The following CCDC73 variants were observed in gnomAD, a reference collection of about 807,000 sequenced individuals.
The protein encoded by CCDC73 is coiled-coil domain containing 73.
A neutral mutation model predicts 116.5 loss-of-function variants in CCDC73; 95 were observed. That is an observed-to-expected ratio of 0.82 (90% CI 0.69 to 0.97). The LOEUF (loss-of-function observed/expected upper bound fraction) is 0.97, where lower values mean the gene tolerates loss of function less well. Ranked by LOEUF, CCDC73 falls within the 50% of genes least tolerant of loss-of-function variation. The pLI, the probability that CCDC73 is intolerant of heterozygous loss-of-function variation, is 0.00. For synonymous variants in CCDC73, 398 were observed against 401.3 expected (o/e 0.99, Z 0.10); for missense variants, 1,066 against 1,206.8 (o/e 0.88, Z 1.73).
In CCDC73 at chr11:32,673,286, T is replaced by C. The variant is rs564875525; in HGVS notation, c.645+2279A>G. Among the ~76,000 whole-genome samples the C allele has an allele frequency of 1.1e-4, 17 of 152,214 alleles. 4 individuals are homozygous for C. The highest frequency in any genetic ancestry group is 4.1e-4 in the African/African-American group (17 of 41,534). On this transcript the variant is annotated intron_variant, in intron 9 of 17. Coordinates refer to ENST00000335185, the MANE Select transcript of CCDC73 (RefSeq NM_001008391.4). ...ACACCAAATGCTAGTGAGGATGTGA[T>C]AGTGGGAGAGGTTGTGCATGTGTGA... is the stretch of plus-strand genomic sequence containing the variant.
intron 8 of CCDC73, 57 bp downstream of exon 8, chr11:32,675,829 T>C (rs1345883513): frequency 8.6e-6 from 12 of 1,403,306 alleles, no homozygotes; most frequent in Admixed American, 6.5e-5. Flanking sequence ...TCATAGTAAA[T>C]AAGTCCATTC....
intron 3 of CCDC73, among the ~76,000 whole-genome samples, chr11:32,709,617 A>C (rs916118070): frequency 6.6e-6 from 1 of 152,142 alleles, no homozygotes; most frequent in African/African-American, 2.4e-5. Context: ...TTGGATCGCT[A>C]GTATTTTGTT....
At chr11:32,817,685 T>A in the CCDC73 span, among the ~76,000 whole-genome samples, 1 of 152,260 alleles carries the variant, frequency 6.6e-6, no homozygotes, top group African/African-American at 2.4e-5. Flanking sequence ...ACGTACAAAC[T>A]CTTCAGTCTG....
Position 32,683,590 on chromosome 11 carries a change from G to A in CCDC73, c.391-16C>T, listed in dbSNP as rs1164694469. 2.1e-6 allele frequency: 3 copies of A among 1,411,844 alleles called. No homozygotes were observed. Among genetic ancestry groups the A allele is most frequent in the Middle Eastern group, 2.5e-4 (1 of 4,006 alleles). The allele number at this position is 1,411,844 out of a possible 1,614,324, so 87.5% of individuals were successfully genotyped here. A position where few individuals can be genotyped will look rare whatever the true frequency, so the allele number is the denominator to read the frequency against. On this transcript the variant is annotated splice_polypyrimidine_tract_variant and intron_variant, in intron 6 of 17. Coordinates refer to ENST00000335185, the MANE Select transcript of CCDC73 (RefSeq NM_001008391.4). ...ATTTAGAAACCTTGAAAAATAAGGG[G>A]GAAAAATCTCATTAAAATACTTTAA...
At position 32,675,995 on chromosome 11, in the gene CCDC73, C is replaced by A; in HGVS notation, c.456G>T (p.Leu152=). 6.2e-7 allele frequency: 1 copy of A among 1,603,984 alleles called. No individual in the cohort carries two copies. The change falls in exon 8 of 18, where the codon CTG becomes CTT. Residue 152 remains leucine (L), a synonymous_variant. Coordinates refer to ENST00000335185, the MANE Select transcript of CCDC73 (RefSeq NM_001008391.4). ...GTTGCTTATGATAGTCTTCTTTAGC[C>A]AGAAGATGTAACTGGACCTTTTGTT... is the stretch of plus-strand genomic sequence containing the variant. ...EMEQKVQLHL[L]AKEDYHKQLS...
At chr11:32,635,639 T>C (rs184008000) in intron 14 of CCDC73, 57 bp downstream of exon 14, 7 of 1,214,006 alleles carry the variant, frequency 5.8e-6, no homozygotes, top group Middle Eastern at 4.5e-4. Context: ...AAAAAAATCA[T>C]AGTGACAGTC....
At chr11:32,773,685 T>G (rs1215091543) in intron 1 of CCDC73, among the ~76,000 whole-genome samples, 1 of 151,616 alleles carries the variant, frequency 6.6e-6, no homozygotes, top group Non-Finnish European at 1.5e-5. Flanking sequence ...GAGGCTGAGG[T>G]TGGAGAATCA....
chr11:32,702,211 A>G (rs1341633501), intron 4 of CCDC73, among the ~76,000 whole-genome samples: 1 of 152,230 alleles, frequency 6.6e-6, no homozygotes, highest in African/African-American at 2.4e-5. Flanking sequence ...ATGATGTGAG[A>G]TAGAGATAAG....
chr11:32,639,270 C>CT (rs1421944808), intron 13 of CCDC73, among the ~76,000 whole-genome samples: 1 of 151,938 alleles, frequency 6.6e-6, no homozygotes, highest in African/African-American at 2.4e-5. Flanking sequence ...TTTCATAGTA[C>CT]TTTGTTAATA....
the CCDC73 span, among the ~76,000 whole-genome samples, chr11:32,824,110 G>C: frequency 1.1e-4 from 16 of 152,052 alleles, no homozygotes; most frequent in African/African-American, 3.9e-4. Context: ...GGCCAGGCTG[G>C]TCTCGAATTC....
chr11:32,713,908 C>A (rs966457275), intron 3 of CCDC73, among the ~76,000 whole-genome samples: 11 of 152,032 alleles, frequency 7.2e-5, no homozygotes, highest in African/African-American at 2.7e-4. Context: ...TAAACACTTT[C>A]AAATGGATTT....
At chr11:32,618,042 T>G (rs1855490581) in intron 14 of CCDC73, among the ~76,000 whole-genome samples, 1 of 152,182 alleles carries the variant, frequency 6.6e-6, no homozygotes, top group Non-Finnish European at 1.5e-5. Context: ...CCTCCCTACC[T>G]CTTCTAGTAG....
In CCDC73 at chr11:32,699,326, C is replaced by A; in HGVS notation, c.316-1G>T. 1 of 1,556,846 alleles carries A rather than the reference C, an allele frequency of 6.4e-7. No individual in the cohort carries two copies. Among genetic ancestry groups the A allele is most frequent in the Non-Finnish European group, 8.7e-7 (1 of 1,147,052 alleles). ...TTTCTGTAGCAAGTTGATATTTTCCCTTTAAGTAAAAAACTGTATTTCAAT... is the reference window on the plus strand; with the variant it reads ...TTTCTGTAGCAAGTTGATATTTTCCATTTAAGTAAAAAACTGTATTTCAAT... On this transcript the variant is annotated splice_acceptor_variant, in intron 5 of 17. Transcript: ENST00000335185. LOFTEE classifies it high-confidence loss of function.
chr11:32,684,985 A>AAT lies in CCDC73; in HGVS notation c.391-1413_391-1412dup, dbSNP rs536600989. Among the ~76,000 whole-genome samples, 813 of 151,660 alleles carry AAT rather than the reference A, an allele frequency of 5.4e-3. 3 individuals carry two copies. Among genetic ancestry groups the AAT allele is most frequent in the Non-Finnish European group, 8.7e-3 (593 of 67,880 alleles). On this transcript the variant is annotated intron_variant, in intron 6 of 17. Coordinates refer to ENST00000335185, the MANE Select transcript of CCDC73 (RefSeq NM_001008391.4). Reference sequence around the variant, plus strand: ...GACAGAATGAGACTCTGTCAAAAAAAATATATATATATAGTGGCTGACCAA... The same window carrying AAT: ...GACAGAATGAGACTCTGTCAAAAAAAATATATATATATATAGTGGCTGACCAA...
chr11:32,802,188 T>G, the CCDC73 span, among the ~76,000 whole-genome samples: 1 of 152,350 alleles, frequency 6.6e-6, no homozygotes, highest in South Asian at 2.1e-4. Flanking sequence ...GACTGCCTGC[T>G]GCACTAACAT....
chr11:32,662,356 G>A, intron 9 of CCDC73, among the ~76,000 whole-genome samples: 1 of 152,154 alleles, frequency 6.6e-6, no homozygotes. Flanking sequence ...GTTGTTTCCT[G>A]ACTTTTTAAT....
chr11:32,740,435 T>A (rs912622531), intron 2 of CCDC73, among the ~76,000 whole-genome samples: 2 of 152,080 alleles, frequency 1.3e-5, no homozygotes, highest in Non-Finnish European at 2.9e-5. Flanking sequence ...GTTATATGTG[T>A]CTAGAAATTT....
chr11:32,681,996 G>C (rs1248522830), intron 7 of CCDC73: 2 of 151,640 alleles, frequency 1.3e-5, no homozygotes, highest in African/African-American at 4.8e-5. Flanking sequence ...TAAACTGTCA[G>C]AAAAAATATT....
At chr11:32,786,841 G>C (rs1253050940) in intron 1 of CCDC73, among the ~76,000 whole-genome samples, 1 of 152,080 alleles carries the variant, frequency 6.6e-6, no homozygotes, top group African/African-American at 2.4e-5. Context: ...AATTATTTAA[G>C]TTATTTAATT....
Sources: allele counts gnomAD v4.1 joint callset (sites outside exome capture counted in the v4.1 genomes callset), GRCh38; gene constraint gnomAD v4.1.1; transcripts MANE v1.5; gene names NCBI Gene and HGNC (gene_info 2026-07-23, HGNC 2026-07-21).